The following PTPRD variants were observed in gnomAD, a reference collection of about 807,000 sequenced individuals.
PTPRD encodes the protein receptor-type tyrosine-protein phosphatase delta.
Under a neutral mutation model 214.5 loss-of-function variants are expected in PTPRD, and 34 were observed. That is an observed-to-expected ratio of 0.16 (90% CI 0.12 to 0.21). The LOEUF is 0.21. Among genes scored for constraint, PTPRD ranks in the 10% least tolerant of loss-of-function variants. The pLI is 1.00. For synonymous variants in PTPRD, 1,128 were observed against 845.7 expected (o/e 1.33, Z -5.79); for missense variants, 2,545 against 2,398.7 (o/e 1.06, Z -1.27).
chr9:8,459,846 A>G (rs1218347534), intron 33 of PTPRD, among the ~76,000 whole-genome samples: 1 of 152,130 alleles, frequency 6.6e-6, no homozygotes, highest in Non-Finnish European at 1.5e-5. Flanking sequence ...CAGATGTGGA[A>G]TAAGAGTTAG....
chr9:9,587,560 T>TTCCA (rs557680280), intron 7 of PTPRD, among the ~76,000 whole-genome samples: 1 of 151,552 alleles, frequency 6.6e-6, no homozygotes, highest in Non-Finnish European at 1.5e-5. Context: ...GTTTGCTTCC[T>TTCCA]TCTAAGTATG....
intron 5 of PTPRD, among the ~76,000 whole-genome samples, chr9:9,796,100 C>G (rs2099000760): frequency 6.6e-6 from 1 of 151,802 alleles, no homozygotes; most frequent in South Asian, 2.1e-4. Flanking sequence ...TTTGTTCATT[C>G]TAATCAAATA....
In PTPRD at chr9:9,682,872, T is replaced by G. The variant is rs16930035; in HGVS notation, c.-287+51661A>C. ...CCACAAATACTCCAGGACCTCATAT[T>G]TACAGGGAAAAAGAGAGTTTTCTGG... On this transcript the variant is annotated intron_variant, in intron 7 of 45. Coordinates refer to ENST00000381196, the MANE Select transcript of PTPRD (RefSeq NM_002839.4). Among the ~76,000 whole-genome samples, 1,226 of 151,842 alleles carry G rather than the reference T, an allele frequency of 8.1e-3. 14 individuals are homozygous for G. The highest frequency in any genetic ancestry group is 0.028 in the African/African-American group (1,162 of 41,476).
At chr9:9,942,632 G>A (rs1021101496) in intron 4 of PTPRD, among the ~76,000 whole-genome samples, 3 of 151,664 alleles carry the variant, frequency 2.0e-5, no homozygotes, top group African/African-American at 7.3e-5. Context: ...TTGCTTGGGT[G>A]GGCCGACTTC....
intron 11 of PTPRD, among the ~76,000 whole-genome samples, chr9:8,840,265 G>A (rs981976788): frequency 2.0e-5 from 3 of 152,102 alleles, no homozygotes; most frequent in Non-Finnish European, 4.4e-5. Context: ...GGAGGTAATC[G>A]AATCATGAGG....
chr9:9,836,631 A>C (rs893988624), intron 5 of PTPRD, among the ~76,000 whole-genome samples: 1 of 152,160 alleles, frequency 6.6e-6, no homozygotes, highest in South Asian at 2.1e-4. Flanking sequence ...AGAGTAACAT[A>C]GAGAAAAACT....
chr9:10,365,977 C>T (rs892393951), intron 2 of PTPRD, among the ~76,000 whole-genome samples: 1 of 152,128 alleles, frequency 6.6e-6, no homozygotes. Flanking sequence ...ATAAACTAAA[C>T]AGTCAAATGC....
intron 11 of PTPRD, among the ~76,000 whole-genome samples, chr9:8,770,883 T>G (rs376417847): frequency 6.6e-6 from 1 of 152,172 alleles, no homozygotes. Flanking sequence ...ACAGTTTCTT[T>G]GATAACAGTC....
intron 2 of PTPRD, among the ~76,000 whole-genome samples, chr9:10,388,674 A>T (rs1158860050): frequency 6.6e-6 from 1 of 151,902 alleles, no homozygotes; most frequent in Non-Finnish European, 1.5e-5. Flanking sequence ...TTTGCTGCAG[A>T]CACCAGCAAA....
intron 9 of PTPRD, among the ~76,000 whole-genome samples, chr9:9,236,152 C>T (rs913548649): frequency 1.3e-5 from 2 of 152,078 alleles, no homozygotes; most frequent in South Asian, 4.1e-4. Flanking sequence ...ACCCAGGAGG[C>T]TGAGGCAGGA....
At chr9:9,539,254 C>G (rs1318649399) in intron 8 of PTPRD, among the ~76,000 whole-genome samples, 1 of 151,736 alleles carries the variant, frequency 6.6e-6, no homozygotes, top group African/African-American at 2.4e-5. Flanking sequence ...TGGCAGGTAC[C>G]TAGGCCCTTA....
At chr9:10,536,430 G>A (rs1035220828) in intron 2 of PTPRD, among the ~76,000 whole-genome samples, 5 of 151,938 alleles carry the variant, frequency 3.3e-5, no homozygotes, top group Non-Finnish European at 7.4e-5. Context: ...AATACAATTC[G>A]TTTTAGGTTA....
intron 9 of PTPRD, among the ~76,000 whole-genome samples, chr9:9,385,526 G>A (rs2063603884): frequency 6.6e-6 from 1 of 152,112 alleles, no homozygotes; most frequent in South Asian, 2.1e-4. Context: ...AGGAAAGTGT[G>A]TGAAATAAAG....
chr9:9,760,048 G>A (rs1270418625), intron 6 of PTPRD, among the ~76,000 whole-genome samples: 2 of 152,024 alleles, frequency 1.3e-5, no homozygotes, highest in Admixed American at 6.6e-5. Flanking sequence ...TCTATCACTA[G>A]ACATTCAAGA....
At chr9:8,372,041 A>T (rs1056350917) in intron 39 of PTPRD, among the ~76,000 whole-genome samples, 4 of 152,028 alleles carry the variant, frequency 2.6e-5, no homozygotes, top group Non-Finnish European at 5.9e-5. Flanking sequence ...TTAAGAGTTG[A>T]AAGGTTTCTC....
chr9:9,545,696 C>A (rs1485855116), intron 8 of PTPRD, among the ~76,000 whole-genome samples: 1 of 151,782 alleles, frequency 6.6e-6, no homozygotes, highest in African/African-American at 2.4e-5. Context: ...CAGTATCACA[C>A]TGTCTTGATT....
At chr9:10,515,314 T>C (rs2049686405) in intron 2 of PTPRD, among the ~76,000 whole-genome samples, 1 of 151,948 alleles carries the variant, frequency 6.6e-6, no homozygotes, top group Non-Finnish European at 1.5e-5. Context: ...TTTTGAAAAA[T>C]GCTAAATACT....
intron 11 of PTPRD, among the ~76,000 whole-genome samples, chr9:8,816,170 C>A (rs995578519): frequency 6.6e-6 from 1 of 152,120 alleles, no homozygotes; most frequent in Non-Finnish European, 1.5e-5. Context: ...TGATAAATTG[C>A]AGAATGTCAA....
intron 6 of PTPRD, among the ~76,000 whole-genome samples, chr9:9,761,669 A>T (rs969317602): frequency 6.6e-6 from 1 of 152,126 alleles, no homozygotes; most frequent in Non-Finnish European, 1.5e-5. Context: ...CAATGTGTAC[A>T]GACTCTCTTA....
Sources: allele counts gnomAD v4.1 joint callset (sites outside exome capture counted in the v4.1 genomes callset), GRCh38; gene constraint gnomAD v4.1.1; transcripts MANE v1.5; gene names NCBI Gene and HGNC (gene_info 2026-07-23, HGNC 2026-07-21).